OFD1: variants seen among roughly 807,000 people sequenced by gnomAD.
OFD1 encodes the protein centriole and centriolar satellite protein OFD1.
OFD1 carries 12 observed loss-of-function variants against 81.4 expected under a neutral mutation model. The observed-to-expected ratio is 0.15, with a 90% CI of 0.09 to 0.24. The LOEUF (loss-of-function observed/expected upper bound fraction) is 0.24, where lower values mean the gene tolerates loss of function less well. Ranked by LOEUF, OFD1 falls within the 10% of genes least tolerant of loss-of-function variation. The pLI is 1.00. For synonymous variants in OFD1, 256 were observed against 263.7 expected (o/e 0.97, Z 0.28); for missense variants, 685 against 733.9 (o/e 0.93, Z 0.77).
intron 5 of OFD1, among the ~76,000 whole-genome samples, chrX:13,743,275 C>T (rs1342902764): frequency 4.5e-5 from 5 of 112,352 alleles, no homozygotes; most frequent in African/African-American, 9.7e-5. Context: ...GGGATTATAT[C>T]GTAGATACTG....
chrX:13,773,139 T>A (rs1219112999), downstream of OFD1: 1 of 595,904 alleles, frequency 1.7e-6, no homozygotes, highest in Non-Finnish European at 2.6e-6. Flanking sequence ...GTTAATTCTG[T>A]ATTAATAAAT....
Position 13,767,119 on chromosome X carries a change from C to T in OFD1, c.2600-8C>T. On this transcript the variant is annotated splice_region_variant and splice_polypyrimidine_tract_variant and intron_variant, in intron 19 of 22. Coordinates refer to ENST00000340096, the MANE Select transcript of OFD1 (RefSeq NM_003611.3). Reference sequence around the variant, plus strand: ...CTGGAAGCTACTCTTTATTTTCTGTCCTATTAGGTGTAGATCAGAAACAAA... The same window carrying T: ...CTGGAAGCTACTCTTTATTTTCTGTTCTATTAGGTGTAGATCAGAAACAAA... 8.3e-7 allele frequency: 1 copy of T among 1,202,462 alleles called. No individual in the cohort carries two copies. Among genetic ancestry groups the T allele is most frequent in the South Asian group, 1.8e-5 (1 of 56,669 alleles).
chrX:13,733,301 C>G (rs146799279), upstream of OFD1, among the ~76,000 whole-genome samples: 415 of 111,883 alleles, frequency 3.7e-3, 3 homozygotes, highest in Non-Finnish European at 6.4e-3. Flanking sequence ...CCACATTGCT[C>G]CACGTGTCTT....
Position 13,760,616 on chromosome X carries a change from G to T in OFD1, c.2156G>T (p.Gly719Val). 8.3e-7 allele frequency: 1 copy of T among 1,211,240 alleles called. No homozygotes were observed. Among genetic ancestry groups the T allele is most frequent in the Non-Finnish European group, 1.1e-6 (1 of 895,031 alleles). ...AATGACGTCGTGGAAGCACTGACAGGCAGTGCAGCCTCGAGGCTCCGCGGG... is the reference window on the plus strand; with the variant it reads ...AATGACGTCGTGGAAGCACTGACAGTCAGTGCAGCCTCGAGGCTCCGCGGG... ...ERNDVVEALT[G>V]SAASRLRGGT... The change falls in exon 16 of 23, where the codon GGC becomes GTC. Residue 719 changes from glycine to valine, a missense_variant. Coordinates refer to ENST00000340096, the MANE Select transcript of OFD1 (RefSeq NM_003611.3).
At position 13,744,494 on chromosome X, in the gene OFD1, T is replaced by G; in HGVS notation, c.492T>G (p.Ser164Arg). Residue 164 changes from serine to arginine, a missense_variant, in exon 6 of 23, where the codon AGT becomes AGG. Physicochemically the swap from Ser to Arg is moderately radical, Grantham distance 110. Coordinates refer to ENST00000340096, the MANE Select transcript of OFD1 (RefSeq NM_003611.3). ...GTTGTAATATGGAAACTCAGACAAGTTCGACATTTAACAGAGATTCTCTGG... is the reference window on the plus strand; with the variant it reads ...GTTGTAATATGGAAACTCAGACAAGGTCGACATTTAACAGAGATTCTCTGG... Reference protein sequence around the residue: ...KESCNMETQTSSTFNRDSLAE... With the variant: ...KESCNMETQTRSTFNRDSLAE... 1 of 1,156,082 alleles carries G rather than the reference T, an allele frequency of 8.6e-7. No homozygotes were observed. The highest frequency in any genetic ancestry group is 1.2e-6 in the Non-Finnish European group (1 of 845,232).
At chrX:13,720,298 T>C in the OFD1 span, 1 of 138,310 alleles carries the variant, frequency 7.2e-6, no homozygotes, top group Non-Finnish European at 1.4e-5. Flanking sequence ...CCTAAGTGTC[T>C]GGTAGAGTAA....
intron 3 of OFD1, among the ~76,000 whole-genome samples, chrX:13,737,252 G>GGTT (rs777569394): frequency 1.0e-5 from 1 of 98,796 alleles, no homozygotes; most frequent in African/African-American, 3.6e-5. Context: ...AAAAACACTT[G>GGTT]TTTTTTTTTT....
intron 2 of OFD1, among the ~76,000 whole-genome samples, chrX:13,735,836 T>C (rs2046841436): frequency 8.9e-6 from 1 of 112,258 alleles, no homozygotes; most frequent in South Asian, 3.6e-4. Context: ...ATTAGTATGC[T>C]TTATATTTGG....
intron 5 of OFD1, 138 bp downstream of exon 5, chrX:13,739,170 C>T (rs766244724): frequency 7.7e-6 from 4 of 520,289 alleles, no homozygotes; most frequent in South Asian, 3.1e-5. Context: ...GTCATTTCCC[C>T]TATATTTCCA....
rs746039988 is a variant in OFD1, at chrX:13,757,727, A to C, written c.1479A>C (p.Ile493=). The C allele has an allele frequency of 4.6e-5, 56 of 1,208,533 alleles. No homozygotes were observed. The South Asian group carries it at 9.7e-4, about 21-fold the overall frequency. Residue 493 remains isoleucine (I), a synonymous_variant, in exon 14 of 23, where the codon ATA becomes ATC. Coordinates refer to ENST00000340096, the MANE Select transcript of OFD1 (RefSeq NM_003611.3). ...AACTACGGAAAGCCGAAAAGGCTAT[A>C]GTGGTTGAGCATGAGGAGTTCGAAA... is the stretch of plus-strand genomic sequence containing the variant. ...QKELRKAEKA[I]VVEHEEFESC...
rs562632236 is a variant in OFD1 at position 13,759,655 on chromosome X, C to T, written c.1655-460C>T. Among the ~76,000 whole-genome samples the T allele has an allele frequency of 5.4e-5, 6 of 112,103 alleles. No individual in the cohort carries two copies. In the South Asian group the frequency reaches 2.2e-3, roughly 41 times the overall value. On this transcript the variant is annotated intron_variant, in intron 15 of 22. Transcript: ENST00000340096. ...AACTCGGGCCATATGCTGTGGATTTCGCAATAGCCCTGGGAGTTCTGAACA... is the reference window on the plus strand; with the variant it reads ...AACTCGGGCCATATGCTGTGGATTTTGCAATAGCCCTGGGAGTTCTGAACA...
chrX:13,760,735 C>G lies in OFD1; in HGVS notation c.2260+15C>G, dbSNP rs768776950. On this transcript the variant is annotated intron_variant, in intron 16 of 22. Transcript: ENST00000340096. ...GTATCTGGAAGGTAAGCCACCCGCA[C>G]AAAGGGTTGCGGGGTGCTCTGGAGT... 8.8e-5 allele frequency: 106 copies of G among 1,208,926 alleles called. No homozygotes were observed. The highest frequency in any genetic ancestry group is 1.1e-4 in the Non-Finnish European group (96 of 894,663).
intron 5 of OFD1, among the ~76,000 whole-genome samples, chrX:13,741,132 C>A (rs1167973275): frequency 9.2e-6 from 1 of 108,984 alleles, no homozygotes; most frequent in Non-Finnish European, 1.9e-5. Flanking sequence ...GAGCAAGACT[C>A]CGTCTCAAAA....
At position 13,760,111 on chromosome X, in the gene OFD1, G is replaced by A. The variant is rs2047870301; in HGVS notation, c.1655-4G>A. Reference sequence around the variant, plus strand: ...TTCTGAAATTGGCTTTTTGTACCCTGCAGCCCTAGAGAATGAAGTGTACTG... The same window carrying A: ...TTCTGAAATTGGCTTTTTGTACCCTACAGCCCTAGAGAATGAAGTGTACTG... On this transcript the variant is annotated splice_polypyrimidine_tract_variant and splice_region_variant and intron_variant, in intron 15 of 22. Coordinates refer to ENST00000340096, the MANE Select transcript of OFD1 (RefSeq NM_003611.3). 8.3e-7 allele frequency: 1 copy of A among 1,210,106 alleles called. No individual in the cohort carries two copies. Among genetic ancestry groups the A allele is most frequent in the African/African-American group, 1.7e-5 (1 of 57,202 alleles).
chrX:13,772,861 C>T (rs759023103), downstream of OFD1: 16 of 1,203,372 alleles, frequency 1.3e-5, no homozygotes, highest in African/African-American at 8.8e-5. Flanking sequence ...ATACGTCGGC[C>T]GAAACACTCT....
At chrX:13,754,066 C>T (rs2047606056) in intron 11 of OFD1, among the ~76,000 whole-genome samples, 1 of 109,737 alleles carries the variant, frequency 9.1e-6, no homozygotes, top group African/African-American at 3.3e-5. Flanking sequence ...ACTACAAGCT[C>T]CACCTCCCAG....
chrX:13,760,497 C>T lies in OFD1; in HGVS notation c.2037C>T (p.Phe679=). 3.4e-6 allele frequency: 4 copies of T among 1,168,033 alleles called. No individual in the cohort carries two copies. The highest frequency in any genetic ancestry group is 3.4e-6 in the Non-Finnish European group (3 of 876,392). ...CATCTCTGCACTTGCTGGAAGCCTT[C>T]AAAAACATTACTTCCAGTTCCCCGG... is the stretch of plus-strand genomic sequence containing the variant. The part of the protein sequence containing the change: ...SPPSLHLLEA[F]KNITSSSPER... The change falls in exon 16 of 23, where the codon TTC becomes TTT. Residue 679 remains phenylalanine (F), a synonymous_variant. Transcript: ENST00000340096.
upstream of OFD1, among the ~76,000 whole-genome samples, chrX:13,730,467 TG>T (rs2046651199): frequency 8.9e-6 from 1 of 111,754 alleles, no homozygotes; most frequent in South Asian, 3.7e-4. Flanking sequence ...ACACTGTTGG[TG>T]GGAGTGTAAA....
chrX:13,739,180 A>T, intron 5 of OFD1, 148 bp downstream of exon 5: 1 of 499,210 alleles, frequency 2.0e-6, no homozygotes. Flanking sequence ...CTATATTTCC[A>T]TTTTTGTAAT....
Sources: allele counts gnomAD v4.1 joint callset (sites outside exome capture counted in the v4.1 genomes callset), GRCh38; gene constraint gnomAD v4.1.1; transcripts MANE v1.5; gene names NCBI Gene and HGNC (gene_info 2026-07-23, HGNC 2026-07-21).